LY86: variants seen among roughly 807,000 people sequenced by gnomAD.
The protein encoded by LY86 is MD-1, RP105-associated.
Under a neutral mutation model 17.3 loss-of-function variants are expected in LY86, and 20 were observed. The ratio of observed to expected loss-of-function variants is 1.15; its 90% CI spans 0.81 to 1.68. LY86 has a LOEUF of 1.68. Among genes scored for constraint, LY86 ranks in the 40% most tolerant of loss-of-function variants. The pLI, the probability that LY86 is intolerant of heterozygous loss-of-function variation, is 0.00. For synonymous variants in LY86, 74 were observed against 70.6 expected (o/e 1.05, Z -0.24); for missense variants, 200 against 191.9 (o/e 1.04, Z -0.25).
intron 3 of LY86, among the ~76,000 whole-genome samples, chr6:6,630,674 G>C (rs1761884956): frequency 6.6e-6 from 1 of 152,178 alleles, no homozygotes; most frequent in Non-Finnish European, 1.5e-5. Context: ...TGTGATCCGG[G>C]AGCTTTGGTC....
At chr6:6,612,233 C>A (rs979168467) in intron 1 of LY86, among the ~76,000 whole-genome samples, 36 of 152,324 alleles carry the variant, frequency 2.4e-4, no homozygotes, top group Middle Eastern at 6.8e-3. Flanking sequence ...TTCAAGAGGG[C>A]GTGTCCAGAG....
intron 2 of LY86, 22 bp downstream of exon 2, chr6:6,625,034 C>A: frequency 1.7e-6 from 2 of 1,159,716 alleles, no homozygotes; most frequent in African/African-American, 1.5e-5. Flanking sequence ...AAATGATTAG[C>A]ATGAAATAAA....
At chr6:6,640,310 C>T (rs1489310834) in intron 3 of LY86, among the ~76,000 whole-genome samples, 1 of 151,802 alleles carries the variant, frequency 6.6e-6, no homozygotes, top group African/African-American at 2.4e-5. Context: ...GTAATCCCAG[C>T]ACTTTGGGAG....
chr6:6,592,378 C>G (rs567374135), intron 1 of LY86, among the ~76,000 whole-genome samples: 59 of 152,312 alleles, frequency 3.9e-4, no homozygotes, highest in Admixed American at 2.5e-3. Flanking sequence ...TACAAAAGCC[C>G]AGAGACTCCA....
At chr6:6,622,685 T>C (rs1761706940) in intron 1 of LY86, 1 of 152,234 alleles carries the variant, frequency 6.6e-6, no homozygotes, top group Non-Finnish European at 1.5e-5. Context: ...GCAGATATCA[T>C]AGACAATGAT....
chr6:6,604,808 C>T (rs1761044637), intron 1 of LY86, among the ~76,000 whole-genome samples: 2 of 147,034 alleles, frequency 1.4e-5, no homozygotes, highest in African/African-American at 5.1e-5. Flanking sequence ...ACAATTAGAC[C>T]AACCAGGATA....
chr6:6,603,596 ACAGAAACAG>A (rs771252741), intron 1 of LY86, among the ~76,000 whole-genome samples: 12 of 92,612 alleles, frequency 1.3e-4, no homozygotes, highest in Non-Finnish European at 2.5e-4. Context: ...AAAAACAAAA[ACAGAAACAG>A]AAAAAAAAAC....
chr6:6,628,630 C>T (rs551245029), intron 3 of LY86, among the ~76,000 whole-genome samples: 11 of 152,008 alleles, frequency 7.2e-5, no homozygotes, highest in Non-Finnish European at 1.3e-4. Flanking sequence ...CTGGGAGCAT[C>T]GTGTTCCTAC....
intron 1 of LY86, among the ~76,000 whole-genome samples, chr6:6,611,317 A>G (rs1459020775): frequency 2.6e-5 from 4 of 152,206 alleles, no homozygotes; most frequent in African/African-American, 7.2e-5. Context: ...CTCCTACTCC[A>G]GCCCAGTACA....
intron 1 of LY86, among the ~76,000 whole-genome samples, chr6:6,598,282 T>A (rs954489226): frequency 3.3e-5 from 5 of 152,222 alleles, no homozygotes; most frequent in African/African-American, 1.2e-4. Flanking sequence ...TATCACAAAA[T>A]TATTCAACTC....
rs144781227 is a variant in LY86, at chr6:6,606,366, G to T, written c.136+17496G>T. Among the ~76,000 whole-genome samples the T allele has an allele frequency of 3.4e-3, 525 of 152,234 alleles. 1 individual carries two copies. Among genetic ancestry groups the T allele is most frequent in the African/African-American group, 0.012 (495 of 41,522 alleles). On this transcript the variant is annotated intron_variant, in intron 1 of 4. Coordinates refer to ENST00000230568, the MANE Select transcript of LY86 (RefSeq NM_004271.4). ...TACAATCCCTTAGGTAGACATAAAG[G>T]TTCTCCAAGTCCCCCCCAGACTCAG...
At chr6:6,588,962 G>GAA (rs61660132) in intron 1 of LY86, 92 bp downstream of exon 1, 1 of 1,478,012 alleles carries the variant, frequency 6.8e-7, no homozygotes, top group Non-Finnish European at 9.1e-7. Context: ...TGGGGTGGGA[G>GAA]GGGAGAGGGG....
intron 3 of LY86, among the ~76,000 whole-genome samples, chr6:6,633,281 G>A (rs77430862): frequency 6.6e-5 from 10 of 152,338 alleles, no homozygotes; most frequent in Admixed American, 3.9e-4. Context: ...CCGTGGAGAC[G>A]TGAGGTTCTC....
At chr6:6,605,355 A>AT (rs1271253551) in intron 1 of LY86, among the ~76,000 whole-genome samples, 2 of 152,224 alleles carry the variant, frequency 1.3e-5, no homozygotes, top group Non-Finnish European at 2.9e-5. Context: ...GAAGTAGTCA[A>AT]TTCTAGGCTT....
At chr6:6,637,432 T>C (rs1227705828) in intron 3 of LY86, among the ~76,000 whole-genome samples, 1 of 152,222 alleles carries the variant, frequency 6.6e-6, no homozygotes, top group African/African-American at 2.4e-5. Context: ...CAATTCTTTA[T>C]GTTCCTTGAG....
At chr6:6,653,467 C>T (rs1762216375) in intron 4 of LY86, among the ~76,000 whole-genome samples, 1 of 152,198 alleles carries the variant, frequency 6.6e-6, no homozygotes, top group African/African-American at 2.4e-5. Flanking sequence ...ACAAACACAT[C>T]ACCGCTCCGT....
intron 1 of LY86, among the ~76,000 whole-genome samples, chr6:6,601,397 T>TA (rs1760903323): frequency 7.0e-6 from 1 of 143,756 alleles, no homozygotes; most frequent in African/African-American, 2.5e-5. Context: ...ATGAAGAGGG[T>TA]AAGCTGCAAT....
chr6:6,612,826 T>C (rs1470809954), intron 1 of LY86, among the ~76,000 whole-genome samples: 1 of 152,024 alleles, frequency 6.6e-6, no homozygotes. Context: ...TTGGTGTGTT[T>C]ACAAACCTTG....
chr6:6,642,756 G>A (rs914057809), intron 3 of LY86, among the ~76,000 whole-genome samples: 1 of 152,194 alleles, frequency 6.6e-6, no homozygotes, highest in African/African-American at 2.4e-5. Flanking sequence ...AGCAGTGCCT[G>A]GGCCTTCCCC....
Sources: gnomAD v4.1 joint callset for allele counts (sites outside exome capture counted in the v4.1 genomes callset) on GRCh38, gnomAD v4.1.1 for gene constraint, MANE v1.5 for transcripts, NCBI Gene and HGNC (gene_info 2026-07-23, HGNC 2026-07-21) for gene names.